The following RGS7BP variants were observed in gnomAD, a reference collection of about 807,000 sequenced individuals.
The protein encoded by RGS7BP is regulator of G protein signaling 7 binding protein.
Under a neutral mutation model 31.3 loss-of-function variants are expected in RGS7BP, and 9 were observed. That is an observed-to-expected ratio of 0.29 (90% CI 0.17 to 0.50). RGS7BP has a LOEUF of 0.50. Ranked by LOEUF, RGS7BP falls within the 20% of genes least tolerant of loss-of-function variation. The pLI is 0.98. For missense variants in RGS7BP, 274 were observed against 322.0 expected, an observed-to-expected ratio of 0.85 and a Z score of 1.14; for synonymous variants, 115 against 120.1, an observed-to-expected ratio of 0.96 and a Z score of 0.28.
At chr5:64,536,129 T>G (rs375887983) in intron 2 of RGS7BP, among the ~76,000 whole-genome samples, 23 of 152,308 alleles carry the variant, frequency 1.5e-4, no homozygotes, top group East Asian at 1.2e-3. Context: ...TTTGGGTAGG[T>G]AATATCCTCA....
chr5:64,583,496 G>A (rs969841633), intron 3 of RGS7BP, among the ~76,000 whole-genome samples: 12 of 152,040 alleles, frequency 7.9e-5, no homozygotes, highest in African/African-American at 1.9e-4. Flanking sequence ...GTAGGGGGAG[G>A]GAGAAGAAAG....
At chr5:64,507,120 G>C (rs1748709049) in intron 1 of RGS7BP, among the ~76,000 whole-genome samples, 1 of 152,184 alleles carries the variant, frequency 6.6e-6, no homozygotes, top group South Asian at 2.1e-4. Flanking sequence ...GAGGAGGTGG[G>C]GATGCTGCTT....
intron 2 of RGS7BP, among the ~76,000 whole-genome samples, chr5:64,542,036 AT>A (rs1741539219): frequency 6.6e-6 from 1 of 152,040 alleles, no homozygotes; most frequent in Non-Finnish European, 1.5e-5. Flanking sequence ...ATATTAACGA[AT>A]TTTCACAGCG....
intron 2 of RGS7BP, among the ~76,000 whole-genome samples, chr5:64,569,061 A>G (rs1482082067): frequency 6.6e-6 from 1 of 152,124 alleles, no homozygotes; most frequent in African/African-American, 2.4e-5. Context: ...CCAAAAGAAA[A>G]TTCCATTGCA....
At position 64,610,669 on chromosome 5, in the gene RGS7BP, A is replaced by C. The variant is rs1743479946; in HGVS notation, c.*1417A>C. The stretch of plus-strand genomic sequence containing the variant: ...TGTATACCAATATTTTTACCTAAAA[A>C]CTAAATATATTAAGGCCTTTTGCTT... On this transcript the variant is annotated 3_prime_UTR_variant, in exon 6 of 6. Transcript: ENST00000334025. The C allele has an allele frequency of 1.3e-5, 2 of 151,938 alleles. No individual in the cohort carries two copies. Among genetic ancestry groups the C allele is most frequent in the Admixed American group, 1.3e-4 (2 of 15,222 alleles). The allele number at this position is 151,938 out of a possible 1,614,324, so 9.4% of individuals were successfully genotyped here.
chr5:64,560,765 C>A (rs1742034798), intron 2 of RGS7BP, among the ~76,000 whole-genome samples: 1 of 152,038 alleles, frequency 6.6e-6, no homozygotes, highest in South Asian at 2.1e-4. Context: ...AAATGCTTTG[C>A]AAATAATTTT....
At chr5:64,554,136 A>G (rs1351417037) in intron 2 of RGS7BP, among the ~76,000 whole-genome samples, 2 of 152,136 alleles carry the variant, frequency 1.3e-5, no homozygotes, top group East Asian at 1.9e-4. Flanking sequence ...GGCTTGGTCA[A>G]TCGGGAACTC....
chr5:64,525,275 G>A (rs757512235), intron 2 of RGS7BP, among the ~76,000 whole-genome samples: 5 of 152,184 alleles, frequency 3.3e-5, no homozygotes, highest in East Asian at 1.9e-4. Context: ...ATGTAGGAGC[G>A]TCTCCACCCT....
chr5:64,507,595 G>A (rs1009417404), intron 1 of RGS7BP, 116 bp from the exon 2 acceptor site: 3 of 853,404 alleles, frequency 3.5e-6, no homozygotes, highest in African/African-American at 3.4e-5. Flanking sequence ...TCCTTAGCTG[G>A]AGATCTGGGG....
intron 3 of RGS7BP, among the ~76,000 whole-genome samples, chr5:64,590,297 TTCCACAGA>T (rs1300452984): frequency 6.6e-6 from 1 of 152,006 alleles, no homozygotes; most frequent in Non-Finnish European, 1.5e-5. Flanking sequence ...GAATTTTGCA[TTCCACAGA>T]TCTCCTCTGA....
intron 2 of RGS7BP, among the ~76,000 whole-genome samples, chr5:64,553,675 A>C (rs996786154): frequency 6.6e-6 from 1 of 152,142 alleles, no homozygotes; most frequent in Non-Finnish European, 1.5e-5. Context: ...ACCAAGTCTC[A>C]GTTTCCTCAT....
rs1349671588 is a variant in RGS7BP at position 64,611,078 on chromosome 5, T to G, written c.*1826T>G. 6.6e-6 allele frequency: 1 copy of G among 151,966 alleles called. No homozygotes were observed. The highest frequency in any genetic ancestry group is 1.5e-5 in the Non-Finnish European group (1 of 67,904). 9.4% of individuals were successfully genotyped at this position (151,966 alleles called of 1,614,324 possible). A position where few individuals can be genotyped will look rare whatever the true frequency, so the allele number is the denominator to read the frequency against. ...TGAATCAAATATTTGTAAAACAATT[T>G]GGCTATTTAAAGACTCTTAGGGTAA... On this transcript the variant is annotated 3_prime_UTR_variant, in exon 6 of 6. Coordinates refer to ENST00000334025, the MANE Select transcript of RGS7BP (RefSeq NM_001029875.3).
intron 2 of RGS7BP, among the ~76,000 whole-genome samples, chr5:64,522,693 G>A (rs1431607154): frequency 6.6e-6 from 1 of 152,142 alleles, no homozygotes; most frequent in Non-Finnish European, 1.5e-5. Flanking sequence ...TCAATCTTTT[G>A]TTTTCTGAGG....
rs567074888 is a variant in RGS7BP at position 64,611,903 on chromosome 5, G to C, written c.*2651G>C. 1.6e-4 allele frequency: 24 copies of C among 151,876 alleles called. No homozygotes were observed. The highest frequency in any genetic ancestry group is 5.8e-4 in the African/African-American group (24 of 41,458). The allele number at this position is 151,876 out of a possible 1,614,324, so 9.4% of individuals were successfully genotyped here. ...CCAAGCGATAAAGTTCTACTGTCTCGGCTTCCTGCTGGTAATTCGCTTTCA... is the reference window on the plus strand; with the variant it reads ...CCAAGCGATAAAGTTCTACTGTCTCCGCTTCCTGCTGGTAATTCGCTTTCA... On this transcript the variant is annotated 3_prime_UTR_variant, in exon 6 of 6. Transcript: ENST00000334025.
At chr5:64,551,328 T>A (rs759551501) in intron 2 of RGS7BP, among the ~76,000 whole-genome samples, 3 of 150,956 alleles carry the variant, frequency 2.0e-5, no homozygotes, top group Non-Finnish European at 4.4e-5. Flanking sequence ...AGTGGCGCAA[T>A]CTTGGCTCAC....
intron 2 of RGS7BP, among the ~76,000 whole-genome samples, chr5:64,509,414 G>A (rs1748774237): frequency 6.6e-6 from 1 of 152,184 alleles, no homozygotes; most frequent in South Asian, 2.1e-4. Context: ...TCTAATCAGA[G>A]ATGGTGGGCT....
At chr5:64,577,504 T>C (rs1742468268) in intron 3 of RGS7BP, among the ~76,000 whole-genome samples, 1 of 152,122 alleles carries the variant, frequency 6.6e-6, no homozygotes, top group South Asian at 2.1e-4. Context: ...AAAAACAAGA[T>C]CCTACTACAT....
intron 3 of RGS7BP, among the ~76,000 whole-genome samples, chr5:64,587,696 T>C (rs191859238): frequency 2.6e-5 from 4 of 152,266 alleles, no homozygotes; most frequent in African/African-American, 9.6e-5. Context: ...AGTGAGCACA[T>C]GACTACAGTG....
chr5:64,523,599 T>G (rs868835928), intron 2 of RGS7BP, among the ~76,000 whole-genome samples: 1 of 152,240 alleles, frequency 6.6e-6, no homozygotes, highest in Non-Finnish European at 1.5e-5. Flanking sequence ...TCACCTTCTT[T>G]CTTTGCTGCT....
Sources: gnomAD v4.1 joint callset for allele counts (sites outside exome capture counted in the v4.1 genomes callset) on GRCh38, gnomAD v4.1.1 for gene constraint, MANE v1.5 for transcripts, NCBI Gene and HGNC (gene_info 2026-07-23, HGNC 2026-07-21) for gene names.